The following MAML3 variants were observed in gnomAD, a reference collection of about 807,000 sequenced individuals.
MAML3 encodes mastermind-like protein 3.
In MAML3, 27 loss-of-function variants were observed where a neutral mutation model predicts 101.9. That is an observed-to-expected ratio of 0.27 (90% CI 0.20 to 0.37). The LOEUF (loss-of-function observed/expected upper bound fraction) is 0.37. Among genes scored for constraint, MAML3 ranks in the 10% least tolerant of loss-of-function variants. The pLI is 1.00. For missense variants in MAML3, 1,316 were observed against 1,444.9 expected, an observed-to-expected ratio of 0.91 and a Z score of 1.45; for synonymous variants, 501 against 555.9, an observed-to-expected ratio of 0.90 and a Z score of 1.39.
chr4:140,001,193 C>A (rs1734918526), intron 1 of MAML3, among the ~76,000 whole-genome samples: 1 of 152,150 alleles, frequency 6.6e-6, no homozygotes. Context: ...CATACTACTC[C>A]AGTTTTCTCC....
At chr4:139,810,185 A>ATTTTTTT (rs757041549) in intron 2 of MAML3, among the ~76,000 whole-genome samples, 2 of 114,612 alleles carry the variant, frequency 1.7e-5, no homozygotes, top group Non-Finnish European at 3.7e-5. Context: ...ACCAAAATTG[A>ATTTTTTT]TTTTTTTTTT....
intron 1 of MAML3, among the ~76,000 whole-genome samples, chr4:139,941,202 G>A (rs549067571): frequency 6.6e-6 from 1 of 152,242 alleles, no homozygotes; most frequent in South Asian, 2.1e-4. Context: ...CCCAGATTAT[G>A]GAATTTGGTA....
At chr4:140,101,320 A>G (rs1728248932) in intron 1 of MAML3, among the ~76,000 whole-genome samples, 1 of 152,186 alleles carries the variant, frequency 6.6e-6, no homozygotes, top group Admixed American at 6.5e-5. Context: ...CTCTAAAGGG[A>G]GGAAAGTGGC....
At chr4:140,148,768 T>C (rs1729106183) in intron 1 of MAML3, among the ~76,000 whole-genome samples, 1 of 152,228 alleles carries the variant, frequency 6.6e-6, no homozygotes, top group Admixed American at 6.5e-5. Flanking sequence ...ACATTTTGGA[T>C]GGGTTGTAGT....
At chr4:140,093,991 G>A (rs1728107929) in intron 1 of MAML3, among the ~76,000 whole-genome samples, 1 of 152,228 alleles carries the variant, frequency 6.6e-6, no homozygotes, top group Non-Finnish European at 1.5e-5. Context: ...AGGGCCAGCA[G>A]CTGAGGCTGA....
intron 1 of MAML3, among the ~76,000 whole-genome samples, chr4:140,095,328 C>A (rs1728138817): frequency 6.6e-6 from 1 of 152,076 alleles, no homozygotes; most frequent in African/African-American, 2.4e-5. Flanking sequence ...TCGTCTGGAC[C>A]CCCCACTGCT....
chr4:140,036,476 C>A (rs1381185739), intron 1 of MAML3, among the ~76,000 whole-genome samples: 1 of 152,214 alleles, frequency 6.6e-6, no homozygotes, highest in Non-Finnish European at 1.5e-5. Flanking sequence ...CTGTGCCACA[C>A]AATGACCCTT....
At chr4:139,913,316 C>T (rs961288370) in intron 1 of MAML3, among the ~76,000 whole-genome samples, 2 of 152,084 alleles carry the variant, frequency 1.3e-5, no homozygotes, top group Non-Finnish European at 2.9e-5. Context: ...CTAATTTGTC[C>T]CCTAATTTTT....
chr4:140,085,113 C>T (rs1727930424), intron 1 of MAML3, among the ~76,000 whole-genome samples: 1 of 152,126 alleles, frequency 6.6e-6, no homozygotes, highest in Non-Finnish European at 1.5e-5. Context: ...AGGATGTGAA[C>T]AGAGTTCACA....
chr4:139,771,669 G>T lies in MAML3; in HGVS notation c.2080-41002C>A, dbSNP rs559177488. ...GTTGAGAAAACGGAAGATTGTAAAA[G>T]ATTTCTCAGGAAACCCTTAGCGTAT... On this transcript the variant is annotated intron_variant, in intron 2 of 4. Coordinates refer to ENST00000509479, the MANE Select transcript of MAML3 (RefSeq NM_018717.5). Among the ~76,000 whole-genome samples, 15 of 152,296 alleles carry T rather than the reference G, an allele frequency of 9.8e-5. No homozygotes were observed. In the East Asian group the frequency reaches 2.5e-3, roughly 25 times the overall value.
chr4:139,730,933 T>C (rs1728682584), intron 2 of MAML3: 1 of 513,484 alleles, frequency 1.9e-6, no homozygotes, highest in African/African-American at 1.9e-5. Flanking sequence ...TGGGACTGAC[T>C]ATTGCATATA....
chr4:139,977,348 C>G lies in MAML3; in HGVS notation c.469-86381G>C, dbSNP rs116934062. Among the ~76,000 whole-genome samples, 36 of 152,114 alleles carry G rather than the reference C, an allele frequency of 2.4e-4. No individual in the cohort carries two copies. The East Asian group carries it at 6.2e-3, about 26-fold the overall frequency. On this transcript the variant is annotated intron_variant, in intron 1 of 4. Transcript: ENST00000509479. ...ATCTAATTTAAAATGCTGATAGTGC[C>G]GAGGGTGAGAAACTCTGGCCTAAAT... is the stretch of plus-strand genomic sequence containing the variant.
intron 1 of MAML3, among the ~76,000 whole-genome samples, chr4:140,121,935 C>T (rs189818511): frequency 3.3e-5 from 5 of 152,076 alleles, no homozygotes; most frequent in Admixed American, 1.3e-4. Context: ...TGAGTTCTCA[C>T]GAGATCTGAT....
chr4:140,140,619 C>T (rs1360068049), intron 1 of MAML3, among the ~76,000 whole-genome samples: 1 of 152,110 alleles, frequency 6.6e-6, no homozygotes, highest in South Asian at 2.1e-4. Context: ...AAAGGCTAAA[C>T]CAAATCTAGA....
chr4:140,038,504 C>A (rs923842339), intron 1 of MAML3, among the ~76,000 whole-genome samples: 30 of 152,186 alleles, frequency 2.0e-4, no homozygotes, highest in Non-Finnish European at 7.3e-5. Flanking sequence ...CTTCCTAGGG[C>A]CAAACATGAT....
chr4:140,006,131 C>T (rs750601718), intron 1 of MAML3, among the ~76,000 whole-genome samples: 6 of 152,024 alleles, frequency 3.9e-5, no homozygotes, highest in Admixed American at 1.3e-4. Flanking sequence ...TGGACTTTAT[C>T]GAGTAAGATG....
At chr4:139,774,632 A>C (rs531388538) in intron 2 of MAML3, among the ~76,000 whole-genome samples, 6 of 152,324 alleles carry the variant, frequency 3.9e-5, no homozygotes, top group African/African-American at 1.4e-4. Context: ...CAAGACAGGA[A>C]GAGTCTTTAA....
intron 1 of MAML3, among the ~76,000 whole-genome samples, chr4:140,111,598 G>T (rs1040908585): frequency 3.9e-5 from 6 of 152,146 alleles, no homozygotes; most frequent in Non-Finnish European, 7.4e-5. Context: ...ACATCATTTA[G>T]GTAACAAGGG....
chr4:140,022,133 T>C (rs1578646631), intron 1 of MAML3, among the ~76,000 whole-genome samples: 1 of 152,188 alleles, frequency 6.6e-6, no homozygotes, highest in East Asian at 1.9e-4. Context: ...AGTGTGAGCA[T>C]GAGAGAGGAG....
Sources: allele counts gnomAD v4.1 joint callset (sites outside exome capture counted in the v4.1 genomes callset), GRCh38; gene constraint gnomAD v4.1.1; transcripts MANE v1.5; gene names NCBI Gene and HGNC (gene_info 2026-07-23, HGNC 2026-07-21).